The following ST6GALNAC5 variants were observed in gnomAD, a reference collection of about 807,000 sequenced individuals.
The protein encoded by ST6GALNAC5 is alpha-N-acetylgalactosaminide alpha-2,6-sialyltransferase 5.
A neutral mutation model predicts 33.6 loss-of-function variants in ST6GALNAC5; 27 were observed. That is an observed-to-expected ratio of 0.80 (90% CI 0.59 to 1.11). The LOEUF (loss-of-function observed/expected upper bound fraction) is 1.11, where lower values mean the gene tolerates loss of function less well. ST6GALNAC5 is among the 50% of genes least tolerant of loss of function. ST6GALNAC5 has a pLI of 0.00. For missense variants in ST6GALNAC5, 428 were observed against 454.0 expected (o/e 0.94, Z 0.52); for synonymous variants, 194 against 171.2 (o/e 1.13, Z -1.04).
chr1:77,036,948 T>G (rs1651665237), intron 2 of ST6GALNAC5, among the ~76,000 whole-genome samples: 1 of 151,936 alleles, frequency 6.6e-6, no homozygotes, highest in African/African-American at 2.4e-5. Context: ...TTAGATTGAG[T>G]GGTCAAGGAA....
At chr1:76,975,832 C>T (rs970709776) in intron 2 of ST6GALNAC5, among the ~76,000 whole-genome samples, 22 of 152,294 alleles carry the variant, frequency 1.4e-4, no homozygotes, top group African/African-American at 4.6e-4. Flanking sequence ...GGATGGCTCA[C>T]GCCTATAATC....
intron 2 of ST6GALNAC5, among the ~76,000 whole-genome samples, chr1:76,927,627 T>C (rs924339831): frequency 6.6e-6 from 1 of 152,170 alleles, no homozygotes; most frequent in Non-Finnish European, 1.5e-5. Context: ...TTGTGTGTTT[T>C]AGTAGACTTA....
intron 2 of ST6GALNAC5, among the ~76,000 whole-genome samples, chr1:77,022,126 T>A (rs1651075195): frequency 6.6e-6 from 1 of 152,204 alleles, no homozygotes; most frequent in Non-Finnish European, 1.5e-5. Flanking sequence ...AGTAGTGTTT[T>A]AATTATTCTA....
intron 2 of ST6GALNAC5, among the ~76,000 whole-genome samples, chr1:76,932,247 A>G (rs1647150271): frequency 6.6e-6 from 1 of 152,120 alleles, no homozygotes; most frequent in Admixed American, 6.6e-5. Context: ...GGAAAAGAGT[A>G]ATTGTTAAAG....
chr1:77,045,378 G>T, intron 3 of ST6GALNAC5, among the ~76,000 whole-genome samples: 1 of 152,174 alleles, frequency 6.6e-6, no homozygotes, highest in Admixed American at 6.5e-5. Flanking sequence ...GATAGAGATG[G>T]AGATAGATGG....
chr1:77,020,048 A>G (rs538300062), intron 2 of ST6GALNAC5, among the ~76,000 whole-genome samples: 1 of 152,330 alleles, frequency 6.6e-6, no homozygotes, highest in Admixed American at 6.5e-5. Context: ...TAATGTAAAG[A>G]ATTGAGCCAA....
Position 77,065,326 on chromosome 1 carries a change from A to G in ST6GALNAC5, c.*2120A>G, listed in dbSNP as rs1328918577. On this transcript the variant is annotated 3_prime_UTR_variant, in exon 5 of 5. Coordinates refer to ENST00000477717, the MANE Select transcript of ST6GALNAC5 (RefSeq NM_030965.3). ...TGCTTCATCTAATAATATCTCACAT[A>G]TCTGTCTATCTTCAGATTTTAGATT... The G allele has an allele frequency of 6.6e-6, 1 of 152,164 alleles. No homozygotes were observed. The highest frequency in any genetic ancestry group is 2.4e-5 in the African/African-American group (1 of 41,416). 9.4% of individuals were successfully genotyped at this position (152,164 alleles called of 1,614,324 possible). A position where few individuals can be genotyped will look rare whatever the true frequency, so the allele number is the denominator to read the frequency against.
chr1:76,927,953 C>A (rs1401290374), intron 2 of ST6GALNAC5, among the ~76,000 whole-genome samples: 1 of 152,060 alleles, frequency 6.6e-6, no homozygotes, highest in African/African-American at 2.4e-5. Context: ...AGAAGAGTAA[C>A]CACATGTTGT....
At chr1:77,011,803 A>G (rs1392882798) in intron 2 of ST6GALNAC5, among the ~76,000 whole-genome samples, 2 of 152,110 alleles carry the variant, frequency 1.3e-5, no homozygotes, top group African/African-American at 4.8e-5. Flanking sequence ...TGATAGTAAC[A>G]TTTTTATTTT....
intron 2 of ST6GALNAC5, among the ~76,000 whole-genome samples, chr1:76,936,858 A>G (rs1647209540): frequency 1.3e-5 from 2 of 151,860 alleles, no homozygotes; most frequent in African/African-American, 4.8e-5. Context: ...ACTTTGTACC[A>G]GAGGATGTGG....
intron 2 of ST6GALNAC5, among the ~76,000 whole-genome samples, chr1:76,998,788 C>G (rs1274370473): frequency 6.6e-6 from 1 of 152,158 alleles, no homozygotes; most frequent in Non-Finnish European, 1.5e-5. Flanking sequence ...AGATGAAACT[C>G]TCTTTTGTAA....
intron 2 of ST6GALNAC5, among the ~76,000 whole-genome samples, chr1:77,042,216 G>T (rs1392865085): frequency 6.6e-6 from 1 of 152,160 alleles, no homozygotes; most frequent in East Asian, 1.9e-4. Flanking sequence ...CACAGTTGTG[G>T]CTGAAAAGCA....
At chr1:76,989,165 T>C (rs887253682) in intron 2 of ST6GALNAC5, among the ~76,000 whole-genome samples, 3 of 152,152 alleles carry the variant, frequency 2.0e-5, no homozygotes, top group Admixed American at 6.6e-5. Context: ...TGGGTCTTTC[T>C]TTATTTCTTC....
chr1:77,043,664 A>T (rs1295296679), intron 2 of ST6GALNAC5, among the ~76,000 whole-genome samples: 1 of 152,250 alleles, frequency 6.6e-6, no homozygotes, highest in Non-Finnish European at 1.5e-5. Flanking sequence ...ATATTTGTAC[A>T]GCATCCAAGA....
chr1:76,959,191 A>T (rs1008332203), intron 2 of ST6GALNAC5, among the ~76,000 whole-genome samples: 1 of 152,104 alleles, frequency 6.6e-6, no homozygotes, highest in East Asian at 1.9e-4. Context: ...ATCCTTGTTC[A>T]TCTCTGTAGG....
At chr1:77,043,783 C>T (rs897936137) in intron 2 of ST6GALNAC5, among the ~76,000 whole-genome samples, 3 of 152,120 alleles carry the variant, frequency 2.0e-5, no homozygotes, top group African/African-American at 7.2e-5. Flanking sequence ...ACTTTGGACT[C>T]AAAAATACCT....
At chr1:77,046,022 T>C (rs1268989538) in intron 3 of ST6GALNAC5, among the ~76,000 whole-genome samples, 4 of 152,218 alleles carry the variant, frequency 2.6e-5, no homozygotes, top group African/African-American at 9.6e-5. Context: ...AATAATCAAA[T>C]TGCCTCATTT....
intron 2 of ST6GALNAC5, among the ~76,000 whole-genome samples, chr1:77,032,668 G>A (rs1161421653): frequency 2.0e-5 from 3 of 152,106 alleles, no homozygotes; most frequent in African/African-American, 7.2e-5. Context: ...ACCAATAGAT[G>A]ACTGAACTGA....
At chr1:76,915,610 G>A (rs1040702769) in intron 2 of ST6GALNAC5, among the ~76,000 whole-genome samples, 9 of 150,012 alleles carry the variant, frequency 6.0e-5, no homozygotes, top group East Asian at 2.0e-4. Flanking sequence ...ACCAAACACC[G>A]CATGTTCTCA....
Sources: gnomAD v4.1 joint callset for allele counts (sites outside exome capture counted in the v4.1 genomes callset) on GRCh38, gnomAD v4.1.1 for gene constraint, MANE v1.5 for transcripts, NCBI Gene and HGNC (gene_info 2026-07-23, HGNC 2026-07-21) for gene names.